The following ZDHHC15 variants were observed in gnomAD, a reference collection of about 807,000 sequenced individuals.
The protein encoded by ZDHHC15 is palmitoyltransferase ZDHHC15.
A neutral mutation model predicts 31.7 loss-of-function variants in ZDHHC15; 19 were observed. That is an observed-to-expected ratio of 0.60 (90% CI 0.42 to 0.88). ZDHHC15 has a LOEUF of 0.88. Among genes scored for constraint, ZDHHC15 ranks in the 40% least tolerant of loss-of-function variants. The pLI is 0.00. For missense variants in ZDHHC15, 209 were observed against 251.2 expected, an observed-to-expected ratio of 0.83 and a Z score of 1.14; for synonymous variants, 103 against 90.0, an observed-to-expected ratio of 1.14 and a Z score of -0.82.
intron 10 of ZDHHC15, among the ~76,000 whole-genome samples, chrX:75,391,124 A>C (rs1465957660): frequency 8.9e-6 from 1 of 112,165 alleles, no homozygotes; most frequent in Non-Finnish European, 1.9e-5. Context: ...TTGACTAAAC[A>C]GAAGAAAGAA....
chrX:75,390,915 C>A (rs190315572), intron 10 of ZDHHC15, among the ~76,000 whole-genome samples: 16 of 111,667 alleles, frequency 1.4e-4, no homozygotes, highest in African/African-American at 5.2e-4. Context: ...GATAGTAGAC[C>A]TTTCAGACAG....
intron 4 of ZDHHC15, among the ~76,000 whole-genome samples, chrX:75,444,713 A>C (rs1446725290): frequency 3.5e-5 from 2 of 57,580 alleles, no homozygotes; most frequent in Non-Finnish European, 6.7e-5. Flanking sequence ...CACACACACA[A>C]ATTTATGTAG....
At chrX:75,388,109 T>G (rs2083199273) in intron 10 of ZDHHC15, among the ~76,000 whole-genome samples, 2 of 112,046 alleles carry the variant, frequency 1.8e-5, no homozygotes, top group Admixed American at 1.9e-4. Flanking sequence ...CCTTCAAAAA[T>G]AAAGCAGAGA....
At chrX:75,407,471 C>T (rs1390892598) in intron 10 of ZDHHC15, among the ~76,000 whole-genome samples, 6 of 99,406 alleles carry the variant, frequency 6.0e-5, no homozygotes, top group South Asian at 4.6e-4. Context: ...TCAGCCACCC[C>T]GCCTGGCCAG....
At chrX:75,440,830 C>G (rs994869314) in intron 4 of ZDHHC15, among the ~76,000 whole-genome samples, 2 of 111,793 alleles carry the variant, frequency 1.8e-5, no homozygotes, top group Non-Finnish European at 3.8e-5. Flanking sequence ...CTCAGACTCT[C>G]CTTGTGTGGG....
intron 2 of ZDHHC15, among the ~76,000 whole-genome samples, chrX:75,498,251 T>C (rs2085037550): frequency 9.0e-6 from 1 of 110,520 alleles, no homozygotes; most frequent in African/African-American, 3.3e-5. Flanking sequence ...TTACCACTTA[T>C]AATCAACATA....
At chrX:75,462,287 G>C (rs56073798) in intron 3 of ZDHHC15, among the ~76,000 whole-genome samples, 22,332 of 111,454 alleles carry the variant, frequency 0.2, 2,204 homozygotes, top group East Asian at 0.85. Flanking sequence ...AGTTCTTAGA[G>C]ATCTACAAAA....
chrX:75,508,660 C>T (rs2085209174), intron 1 of ZDHHC15, among the ~76,000 whole-genome samples: 1 of 110,406 alleles, frequency 9.1e-6, no homozygotes, highest in South Asian at 3.9e-4. Context: ...TGGGTATATA[C>T]CCAGTAATGG....
intron 3 of ZDHHC15, among the ~76,000 whole-genome samples, chrX:75,469,638 G>A (rs1317909616): frequency 1.8e-5 from 2 of 111,631 alleles, no homozygotes; most frequent in African/African-American, 3.3e-5. Context: ...CAGTTCATTT[G>A]GGTTGCTTCC....
At chrX:75,488,068 A>G (rs932009011) in intron 2 of ZDHHC15, among the ~76,000 whole-genome samples, 9 of 112,228 alleles carry the variant, frequency 8.0e-5, no homozygotes, top group African/African-American at 2.9e-4. Flanking sequence ...GTTCCTGAGG[A>G]AAAAAAATCT....
intron 9 of ZDHHC15, 42 bp from the exon 10 acceptor site, chrX:75,417,232 A>G (rs1203250562): frequency 2.0e-6 from 2 of 984,925 alleles, no homozygotes; most frequent in African/African-American, 1.9e-5. Flanking sequence ...CAGCTGACAT[A>G]GACTTTTGTG....
At chrX:75,444,510 C>G (rs1365103510) in intron 4 of ZDHHC15, among the ~76,000 whole-genome samples, 1 of 102,296 alleles carries the variant, frequency 9.8e-6, no homozygotes, top group Non-Finnish European at 2.0e-5. Context: ...GGAGATATAC[C>G]TAATGTAAAT....
Position 75,370,990 on chromosome X carries a change from C to T in ZDHHC15, c.*1988G>A, listed in dbSNP as rs2147739257. The T allele has an allele frequency of 8.9e-6, 1 of 111,851 alleles. No individual in the cohort carries two copies. The highest frequency in any genetic ancestry group is 3.8e-4 in the South Asian group (1 of 2,649). The allele number at this position is 111,851 out of a possible 1,213,427, so 9.2% of individuals were successfully genotyped here. A position where few individuals can be genotyped will look rare whatever the true frequency, so the allele number is the denominator to read the frequency against. ...TGTGGGAGCTGAGTGCTGATACACC[C>T]TATGCATCAAAGAAGTTCTTGATGT... On this transcript the variant is annotated 3_prime_UTR_variant, in exon 12 of 12. Coordinates refer to ENST00000373367, the MANE Select transcript of ZDHHC15 (RefSeq NM_144969.3).
In ZDHHC15 at chrX:75,393,844, A is replaced by G. The variant is rs181436270; in HGVS notation, c.968-14646T>C. 3.3e-3 allele frequency among the ~76,000 whole-genome samples: 370 copies of G among 112,077 alleles called. 1 individual carries two copies. Among genetic ancestry groups the G allele is most frequent in the Non-Finnish European group, 6.1e-3 (327 of 53,278 alleles). On this transcript the variant is annotated intron_variant, in intron 10 of 11. Transcript: ENST00000373367. The stretch of plus-strand genomic sequence containing the variant: ...GCTGTCTGCAGGCTGAGGAGCAAGG[A>G]GAGCCAGTCCAAGTTACAAAACTGA...
At chrX:75,453,545 G>C (rs1342803073) in intron 3 of ZDHHC15, among the ~76,000 whole-genome samples, 1 of 111,373 alleles carries the variant, frequency 9.0e-6, no homozygotes, top group Non-Finnish European at 1.9e-5. Context: ...TATGAGGCCA[G>C]CATCATCCTA....
At chrX:75,459,977 G>C (rs1487772236) in intron 3 of ZDHHC15, among the ~76,000 whole-genome samples, 1 of 111,984 alleles carries the variant, frequency 8.9e-6, no homozygotes, top group Non-Finnish European at 1.9e-5. Flanking sequence ...CCAGGTTCAA[G>C]CGATTTTCCT....
At chrX:75,467,162 T>C (rs1372757058) in intron 3 of ZDHHC15, among the ~76,000 whole-genome samples, 2 of 112,814 alleles carry the variant, frequency 1.8e-5, no homozygotes, top group Admixed American at 9.4e-5. Flanking sequence ...TTTTGTTTAC[T>C]TAGAAGAACA....
rs2082987499 is a variant in ZDHHC15 at position 75,369,530 on chromosome X, C to T, written c.*3448G>A. 2 of 111,603 alleles carry T rather than the reference C, an allele frequency of 1.8e-5. No homozygotes were observed. Among genetic ancestry groups the T allele is most frequent in the African/African-American group, 6.5e-5 (2 of 30,656 alleles). The allele number at this position is 111,603 out of a possible 1,213,427, so 9.2% of individuals were successfully genotyped here. A position where few individuals can be genotyped will look rare whatever the true frequency, so the allele number is the denominator to read the frequency against. ...GGATTGTGCTTAAATCTCCATTAAC[C>T]TCAATGTCTATACTTTGTGCAATTT... On this transcript the variant is annotated 3_prime_UTR_variant, in exon 12 of 12. Coordinates refer to ENST00000373367, the MANE Select transcript of ZDHHC15 (RefSeq NM_144969.3).
intron 7 of ZDHHC15, among the ~76,000 whole-genome samples, chrX:75,426,932 T>C (rs1054288505): frequency 9.0e-6 from 1 of 111,574 alleles, no homozygotes; most frequent in Non-Finnish European, 1.9e-5. Flanking sequence ...TGAATAAGAC[T>C]AATAATTCAT....
Sources: gnomAD v4.1 joint callset for allele counts (sites outside exome capture counted in the v4.1 genomes callset) on GRCh38, gnomAD v4.1.1 for gene constraint, MANE v1.5 for transcripts, NCBI Gene and HGNC (gene_info 2026-07-23, HGNC 2026-07-21) for gene names.